The following CRIM1 variants were observed in gnomAD, a reference collection of about 807,000 sequenced individuals.
CRIM1 encodes the protein cysteine rich transmembrane BMP regulator 1.
A neutral mutation model predicts 116.4 loss-of-function variants in CRIM1; 32 were observed. That is an observed-to-expected ratio of 0.27 (90% confidence interval 0.21 to 0.37). The LOEUF (loss-of-function observed/expected upper bound fraction) is 0.37, where lower values mean the gene tolerates loss of function less well. Ranked by LOEUF, CRIM1 falls within the 10% of genes least tolerant of loss-of-function variation. CRIM1 has a pLI of 1.00. For synonymous variants in CRIM1, 590 were observed against 509.2 expected (o/e 1.16, Z -2.13); for missense variants, 1,331 against 1,354.8 (o/e 0.98, Z 0.28).
intron 1 of CRIM1, among the ~76,000 whole-genome samples, chr2:36,394,414 G>T (rs1406782680): frequency 6.6e-6 from 1 of 152,084 alleles, no homozygotes; most frequent in African/African-American, 2.4e-5. Flanking sequence ...AAATCACTTG[G>T]ATGCACATTT....
At chr2:36,500,333 G>GA (rs1024433818) in intron 8 of CRIM1, among the ~76,000 whole-genome samples, 4 of 152,130 alleles carry the variant, frequency 2.6e-5, no homozygotes, top group African/African-American at 9.7e-5. Context: ...CACTGTCTCA[G>GA]AAAAAGGTAC....
chr2:36,521,496 T>A (rs183434401), intron 12 of CRIM1, among the ~76,000 whole-genome samples: 3 of 152,308 alleles, frequency 2.0e-5, no homozygotes, highest in Admixed American at 2.0e-4. Context: ...TTTACATATA[T>A]GACAAGACAT....
At chr2:36,365,669 T>A (rs1355828083) in intron 1 of CRIM1, among the ~76,000 whole-genome samples, 1 of 152,082 alleles carries the variant, frequency 6.6e-6, no homozygotes, top group Admixed American at 6.5e-5. Flanking sequence ...CTAATGTTAC[T>A]AGCTGTTTAG....
At chr2:36,479,272 T>G (rs1679220345) in intron 6 of CRIM1, among the ~76,000 whole-genome samples, 1 of 152,186 alleles carries the variant, frequency 6.6e-6, no homozygotes, top group Admixed American at 6.5e-5. Flanking sequence ...CTACAGATCC[T>G]CTTCTCTGGG....
chr2:36,521,464 T>G (rs1362649204), intron 12 of CRIM1, among the ~76,000 whole-genome samples: 1 of 152,208 alleles, frequency 6.6e-6, no homozygotes, highest in Non-Finnish European at 1.5e-5. Context: ...CAGCTACAAT[T>G]TGTAAGTAAA....
chr2:36,534,102 G>C (rs1298054979), intron 13 of CRIM1, among the ~76,000 whole-genome samples: 2 of 143,838 alleles, frequency 1.4e-5, no homozygotes, highest in Admixed American at 6.9e-5. Flanking sequence ...AAGGAAGGAA[G>C]GAGGGAGGGA....
In CRIM1 at chr2:36,546,989, G is replaced by A. The variant is rs201730313; in HGVS notation, c.2752G>A (p.Gly918Ser). ...TATAATTTTTTTTCTCCTAGATATG[G>A]GTCACCTCCAGGTAGATTACAGAGA... ...NDIVHLPRDMGHLQVDYRDNR... is the reference protein window; with the variant it reads ...NDIVHLPRDMSHLQVDYRDNR... The change falls in exon 16 of 17, where the codon GGT becomes AGT. Residue 918 changes from glycine to serine, a missense_variant. Physicochemically the swap from Gly to Ser is moderately conservative, Grantham distance 56 (BLOSUM62 0). Transcript: ENST00000280527. 6.3e-7 allele frequency: 1 copy of A among 1,578,514 alleles called. No homozygotes were observed. Among genetic ancestry groups the A allele is most frequent in the Non-Finnish European group, 8.6e-7 (1 of 1,161,332 alleles).
chr2:36,364,695 G>C (rs1669471309), intron 1 of CRIM1, among the ~76,000 whole-genome samples: 1 of 152,092 alleles, frequency 6.6e-6, no homozygotes, highest in African/African-American at 2.4e-5. Flanking sequence ...TTTTAATCGT[G>C]AGATCAGCTT....
intron 1 of CRIM1, among the ~76,000 whole-genome samples, chr2:36,364,852 T>C (rs943653184): frequency 6.6e-6 from 1 of 152,140 alleles, no homozygotes; most frequent in Non-Finnish European, 1.5e-5. Context: ...GTGTGTATAG[T>C]ATGTATGTGT....
intron 12 of CRIM1, among the ~76,000 whole-genome samples, chr2:36,520,434 G>C (rs140823303): frequency 2.0e-5 from 3 of 152,312 alleles, no homozygotes; most frequent in Non-Finnish European, 4.4e-5. Flanking sequence ...AGTTAGCACT[G>C]GTCAGTCTCT....
chr2:36,532,017 T>C (rs1485831441), intron 13 of CRIM1: 2 of 470,270 alleles, frequency 4.3e-6, no homozygotes, highest in South Asian at 1.6e-5. Context: ...GCAGAGACTT[T>C]GTTTCTGAAA....
chr2:36,452,809 A>T (rs965582828), intron 4 of CRIM1, among the ~76,000 whole-genome samples: 2 of 152,164 alleles, frequency 1.3e-5, no homozygotes, highest in African/African-American at 2.4e-5. Context: ...GTGGTCATGG[A>T]TATCACCAGA....
In CRIM1 at chr2:36,415,983, G is replaced by A. The variant is rs549527795; in HGVS notation, c.505+19196G>A. ...AGCACTTTGGGGGGCCAAGGCACGCGGATCACTTAAGGTCAGGAGTTCAAG... is the reference window on the plus strand; with the variant it reads ...AGCACTTTGGGGGGCCAAGGCACGCAGATCACTTAAGGTCAGGAGTTCAAG... On this transcript the variant is annotated intron_variant, in intron 2 of 16. Transcript: ENST00000280527. 1.4e-4 allele frequency among the ~76,000 whole-genome samples: 21 copies of A among 152,252 alleles called. No homozygotes were observed. In the South Asian group the frequency reaches 3.5e-3, roughly 26 times the overall value.
intron 2 of CRIM1, among the ~76,000 whole-genome samples, chr2:36,410,959 CT>C (rs1310578726): frequency 6.6e-6 from 1 of 152,300 alleles, no homozygotes; most frequent in Admixed American, 6.5e-5. Context: ...TGCTTGCTGA[CT>C]TTTTTAAGGC....
At chr2:36,449,627 T>TTTGA (rs1483462207) in intron 4 of CRIM1, among the ~76,000 whole-genome samples, 22 of 152,112 alleles carry the variant, frequency 1.4e-4, no homozygotes, top group African/African-American at 5.1e-4. Context: ...GGAGGAAGGA[T>TTTGA]TTGATTGTCT....
intron 4 of CRIM1, among the ~76,000 whole-genome samples, chr2:36,445,129 G>A (rs1382505110): frequency 2.6e-5 from 4 of 152,102 alleles, no homozygotes; most frequent in Non-Finnish European, 5.9e-5. Context: ...GAACAAACAG[G>A]CCCTCTCTTA....
At chr2:36,369,653 T>C (rs2148300085) in intron 1 of CRIM1, among the ~76,000 whole-genome samples, 1 of 152,272 alleles carries the variant, frequency 6.6e-6, no homozygotes, top group Middle Eastern at 3.4e-3. Flanking sequence ...AATGTTGCCA[T>C]ATAGGAACAT....
intron 8 of CRIM1, among the ~76,000 whole-genome samples, chr2:36,500,910 C>T (rs1680938887): frequency 6.6e-6 from 1 of 152,132 alleles, no homozygotes; most frequent in Non-Finnish European, 1.5e-5. Flanking sequence ...TGCTGGAAAC[C>T]CTATTTTTAA....
chr2:36,548,576 A>G lies in CRIM1; in HGVS notation c.2986A>G (p.Arg996Gly), dbSNP rs187177818. The change falls in exon 17 of 17, where the codon AGA becomes GGA. Residue 996 changes from arginine to glycine, a missense_variant. Physicochemically the swap from Arg to Gly is moderately radical, Grantham distance 125. Around this residue, in one of 3 missense-constraint regions of CRIM1, gnomAD observed 283 missense variants for 242.8 expected, o/e 1.17. Transcript: ENST00000280527. Reference sequence around the variant, plus strand: ...ATCTGTGGACTGCAAGAAAGGAACCAGAGTCCAGGTGGACAGTTCCCAGAG... The same window carrying G: ...ATCTGTGGACTGCAAGAAAGGAACCGGAGTCCAGGTGGACAGTTCCCAGAG... ...LVSVDCKKGTRVQVDSSQRML... is the reference protein window; with the variant it reads ...LVSVDCKKGTGVQVDSSQRML... 434 of 1,609,330 alleles carry G rather than the reference A, an allele frequency of 2.7e-4. 2 individuals carry two copies. In the Admixed American group the frequency reaches 7.3e-3, roughly 27 times the overall value.
Sources: gnomAD v4.1 joint callset for allele counts (sites outside exome capture counted in the v4.1 genomes callset) on GRCh38, gnomAD v4.1.1 for gene constraint, gnomAD v4.1.1 regional missense constraint, MANE v1.5 for transcripts, NCBI Gene and HGNC (gene_info 2026-07-23, HGNC 2026-07-21) for gene names.